Variants in KLHL5 observed in about 807,000 individuals in gnomAD.
KLHL5 encodes kelch like family member 5.
In KLHL5, 48 loss-of-function variants were observed where a neutral mutation model predicts 77.7. The ratio of observed to expected loss-of-function variants is 0.62; its 90% CI spans 0.49 to 0.79. The LOEUF (loss-of-function observed/expected upper bound fraction) is 0.79, where lower values mean the gene tolerates loss of function less well. Ranked by LOEUF, KLHL5 falls within the 30% of genes least tolerant of loss-of-function variation. The pLI is 0.00. For synonymous variants in KLHL5, 260 were observed against 297.0 expected (o/e 0.88, Z 1.28); for missense variants, 723 against 859.7 (o/e 0.84, Z 1.99).
chr4:39,063,100 A>C, intron 1 of KLHL5, 65 bp downstream of exon 1: 2 of 1,134,216 alleles, frequency 1.8e-6, no homozygotes, highest in Non-Finnish European at 2.4e-6. Flanking sequence ...TTTTTAAATA[A>C]TTTAGTATTT....
chr4:39,093,302 G>C (rs1488831808), intron 5 of KLHL5: 2 of 434,448 alleles, frequency 4.6e-6, no homozygotes, highest in Admixed American at 2.5e-5. Context: ...TCCAGCAAAA[G>C]CAAATCTGTA....
chr4:39,066,282 G>T (rs1717889219), intron 1 of KLHL5, among the ~76,000 whole-genome samples: 1 of 152,136 alleles, frequency 6.6e-6, no homozygotes, highest in South Asian at 2.1e-4. Flanking sequence ...TCATACCAGG[G>T]CTAGCAAAAT....
chr4:39,107,514 A>G (rs1187114549), intron 7 of KLHL5, 55 bp from the exon 8 acceptor site: 2 of 1,426,198 alleles, frequency 1.4e-6, no homozygotes, highest in Non-Finnish European at 9.6e-7. Flanking sequence ...TTAAAATGTG[A>G]TTTTTAAGAC....
At chr4:39,102,450 C>A (rs1012321323) in intron 6 of KLHL5, among the ~76,000 whole-genome samples, 1 of 151,456 alleles carries the variant, frequency 6.6e-6, no homozygotes, top group African/African-American at 2.4e-5. Context: ...AACTCCCTAC[C>A]GTCATAGTTC....
the KLHL5 span, chr4:39,133,813 T>C: frequency 1.3e-5 from 2 of 152,130 alleles, no homozygotes; most frequent in Non-Finnish European, 2.9e-5. Context: ...TAAAGTTTTA[T>C]TGGAACACAG....
At chr4:39,101,178 G>A (rs1034224059) in intron 6 of KLHL5, among the ~76,000 whole-genome samples, 1 of 138,054 alleles carries the variant, frequency 7.2e-6, no homozygotes, top group Non-Finnish European at 1.5e-5. Context: ...ATATCTTTAT[G>A]TTTGAAATTA....
rs751133176 is a variant in KLHL5, at chr4:39,062,955, C to T, written c.303C>T (p.Gly101=). The T allele has an allele frequency of 1.5e-5, 25 of 1,613,942 alleles. No homozygotes were observed. In the East Asian group the frequency reaches 1.6e-4, roughly 10 times the overall value. The change falls in exon 1 of 11, where the codon GGC becomes GGT. Residue 101 remains glycine (G), a synonymous_variant. Transcript: ENST00000504108. ...TTGAGTTTACAGCAGAAGATTGTGG[C>T]GGTGCACATTGGCTGGATAGACCAG... ...PAFEFTAEDC[G]GAHWLDRPEV... is the part of the protein sequence containing the mutation.
chr4:39,060,203 A>G (rs924056208), upstream of KLHL5, among the ~76,000 whole-genome samples: 5 of 152,314 alleles, frequency 3.3e-5, no homozygotes, highest in East Asian at 3.9e-4. Flanking sequence ...GATCTCTTGT[A>G]TAACAATAGC....
the KLHL5 span, among the ~76,000 whole-genome samples, chr4:39,136,037 TGTGA>T: frequency 0.012 from 1,816 of 149,898 alleles, 22 homozygotes; most frequent in African/African-American, 0.034. Flanking sequence ...TGTGTGTGTG[TGTGA>T]GATCGCCACT....
At chr4:39,046,668 T>C (rs1716217855) in intron 1 of KLHL5, among the ~76,000 whole-genome samples, 1 of 152,204 alleles carries the variant, frequency 6.6e-6, no homozygotes, top group South Asian at 2.1e-4. Flanking sequence ...ACCAAGGCGT[T>C]TTCCAGTAAT....
At chr4:39,067,574 T>A (rs900328206) in intron 1 of KLHL5, among the ~76,000 whole-genome samples, 16 of 152,164 alleles carry the variant, frequency 1.1e-4, no homozygotes, top group African/African-American at 3.9e-4. Context: ...TCATTCTAAC[T>A]AGTTTCACCT....
intron 5 of KLHL5, among the ~76,000 whole-genome samples, chr4:39,092,240 T>C (rs1720652815): frequency 6.6e-6 from 1 of 152,216 alleles, no homozygotes; most frequent in Non-Finnish European, 1.5e-5. Flanking sequence ...GTAGTTTTTC[T>C]CTCAGTGTCT....
chr4:39,081,359 T>C lies in KLHL5; in HGVS notation c.703+120T>C. 1 of 699,190 alleles carries C rather than the reference T, an allele frequency of 1.4e-6. No homozygotes were observed. The highest frequency in any genetic ancestry group is 2.2e-6 in the Non-Finnish European group (1 of 460,142). 43.3% of individuals were successfully genotyped at this position (699,190 alleles called of 1,614,324 possible). A position where few individuals can be genotyped will look rare whatever the true frequency, so the allele number is the denominator to read the frequency against. Reference sequence around the variant, plus strand: ...CAGTTAGTTCTGCTATTGTCATTACTACCCTTTGTATTTAACCTGGTGATG... The same window carrying C: ...CAGTTAGTTCTGCTATTGTCATTACCACCCTTTGTATTTAACCTGGTGATG... On this transcript the variant is annotated intron_variant, in intron 3 of 10. Transcript: ENST00000504108. The surrounding 1 kb of genome is among the most constrained non-coding windows in gnomAD (Gnocchi z 4.3).
rs369608230 is a variant in KLHL5, at chr4:39,113,236, A to G, written c.1901+4A>G. On this transcript the variant is annotated splice_donor_region_variant and intron_variant, in intron 9 of 10. Coordinates refer to ENST00000504108, the MANE Select transcript of KLHL5 (RefSeq NM_015990.5). The stretch of plus-strand genomic sequence containing the variant: ...GACTCTCAGACTGTGTGGAAAGGTA[A>G]TTTCCTGGGAAGAAAAACTAGGAAC... The G allele has an allele frequency of 7.8e-5, 126 of 1,606,880 alleles. 1 individual carries two copies. Among genetic ancestry groups the G allele is most frequent in the Non-Finnish European group, 1.0e-4 (121 of 1,175,390 alleles).
Position 39,062,959 on chromosome 4 carries a change from G to A in KLHL5, c.307G>A (p.Ala103Thr), listed in dbSNP as rs1421401639. ...GTTTACAGCAGAAGATTGTGGCGGT[G>A]CACATTGGCTGGATAGACCAGAAGT... ...FEFTAEDCGG[A>T]HWLDRPEVDD... Residue 103 changes from alanine (A) to threonine (T), a missense_variant, in exon 1 of 11, where the codon GCA (alanine) becomes ACA (threonine). Around this residue, in one of 3 missense-constraint regions of KLHL5, gnomAD observed 221 missense variants for 222.1 expected, o/e 1.00. Coordinates refer to ENST00000504108, the MANE Select transcript of KLHL5 (RefSeq NM_015990.5). The A allele has an allele frequency of 1.9e-6, 3 of 1,614,156 alleles. No individual in the cohort carries two copies. Among genetic ancestry groups the A allele is most frequent in the African/African-American group, 2.7e-5 (2 of 75,058 alleles).
intron 5 of KLHL5, chr4:39,093,288 A>G (rs1720756730): frequency 7.0e-6 from 3 of 430,580 alleles, no homozygotes; most frequent in Non-Finnish European, 1.4e-5. Flanking sequence ...CTGTATATGA[A>G]ATGTCCAGCA....
rs1486563343 is a variant in KLHL5, at chr4:39,117,171, C to T, written c.2073+1841C>T. Among the ~76,000 whole-genome samples, 14 of 152,104 alleles carry T rather than the reference C, an allele frequency of 9.2e-5. No individual in the cohort carries two copies. The South Asian group carries it at 1.0e-3, about 11-fold the overall frequency. On this transcript the variant is annotated intron_variant, in intron 10 of 10. Transcript: ENST00000504108. Reference sequence around the variant, plus strand: ...GAAAAATTAGCAAGGTGTGGTGGCACGCACCTGTAGTCCTATCTACTTGGG... The same window carrying T: ...GAAAAATTAGCAAGGTGTGGTGGCATGCACCTGTAGTCCTATCTACTTGGG...
At chr4:39,077,804 A>G (rs1400565784) in intron 2 of KLHL5, among the ~76,000 whole-genome samples, 4 of 152,188 alleles carry the variant, frequency 2.6e-5, no homozygotes, top group African/African-American at 7.2e-5. Flanking sequence ...AGAAGTCATT[A>G]TATGAAAAAG....
chr4:39,106,458 C>T (rs969518239), intron 7 of KLHL5, among the ~76,000 whole-genome samples: 12 of 152,274 alleles, frequency 7.9e-5, no homozygotes, highest in South Asian at 6.2e-4. Context: ...AGCCCTTACC[C>T]GTTATATTCT....
Sources: gnomAD v4.1 joint callset for allele counts (sites outside exome capture counted in the v4.1 genomes callset) on GRCh38, gnomAD v4.1.1 for gene constraint, gnomAD v4.1.1 regional missense constraint, Gnocchi (gnomAD v3.1) non-coding constraint, MANE v1.5 for transcripts, NCBI Gene and HGNC (gene_info 2026-07-23, HGNC 2026-07-21) for gene names.